CERS4: variants seen among roughly 807,000 people sequenced by gnomAD.
The protein encoded by CERS4 is LAG1 homolog, ceramide synthase 4.
In CERS4, 65 loss-of-function variants were observed where a neutral mutation model predicts 51.8. The observed-to-expected ratio is 1.26, with a 90% CI of 1.03 to 1.54. CERS4 has a LOEUF of 1.54. CERS4 is among the 40% of genes most tolerant of loss of function. The pLI, the probability that CERS4 is intolerant of heterozygous loss-of-function variation, is 0.00. For missense variants in CERS4, 563 were observed against 500.4 expected (o/e 1.13, Z -1.19); for synonymous variants, 228 against 208.4 (o/e 1.09, Z -0.81).
intron 10 of CERS4, among the ~76,000 whole-genome samples, chr19:8,258,611 G>A (rs866705950): frequency 4.6e-5 from 7 of 152,132 alleles, no homozygotes; most frequent in Admixed American, 3.3e-4. Context: ...TTGTGAGGCT[G>A]AGGCAGGAAG....
chr19:8,258,001 C>A lies in CERS4; in HGVS notation c.848+16C>A. ...TTCCCACCCAGTGAGTCAGCCCTCC[C>A]ATGGGGGTCAGGGAGGTGGGAGGGC... is the stretch of plus-strand genomic sequence containing the variant. On this transcript the variant is annotated intron_variant, in intron 10 of 11. Transcript: ENST00000251363. 6.3e-7 allele frequency: 1 copy of A among 1,594,028 alleles called. No individual in the cohort carries two copies. The highest frequency in any genetic ancestry group is 8.6e-7 in the Non-Finnish European group (1 of 1,162,202).
chr19:8,224,797 G>C (rs1383128486), intron 2 of CERS4, among the ~76,000 whole-genome samples: 1 of 152,148 alleles, frequency 6.6e-6, no homozygotes, highest in Non-Finnish European at 1.5e-5. Flanking sequence ...CGGGAAAGAC[G>C]GACGTAATCG....
In CERS4 at chr19:8,221,889, T is replaced by TTG. The variant is rs1568501290; in HGVS notation, c.-2+11028_-2+11029insGT. ...TTTTTTATGTTTTTTTTTTTTTTTT[T>TTG]TTTTTTTTTTGAGACAGAGGCTTGC... On this transcript the variant is annotated intron_variant, in intron 2 of 11. Transcript: ENST00000251363. 7.7e-5 allele frequency among the ~76,000 whole-genome samples: 9 copies of TTG among 117,646 alleles called. No individual in the cohort carries two copies. The East Asian group carries it at 1.9e-3, about 24-fold the overall frequency. 77.2% of individuals were successfully genotyped at this position (117,646 alleles called of 152,430 possible).
intron 2 of CERS4, among the ~76,000 whole-genome samples, chr19:8,225,967 G>A (rs897827363): frequency 6.6e-6 from 1 of 151,900 alleles, no homozygotes; most frequent in African/African-American, 2.4e-5. Context: ...AGGCCAAGGC[G>A]GGCGGATCAT....
chr19:8,214,118 C>A (rs939635549), intron 2 of CERS4, among the ~76,000 whole-genome samples: 1 of 152,092 alleles, frequency 6.6e-6, no homozygotes, highest in African/African-American at 2.4e-5. Flanking sequence ...CTCCCTACCC[C>A]CTCCTGGACT....
chr19:8,238,412 A>G, intron 2 of CERS4: 1 of 639,480 alleles, frequency 1.6e-6, no homozygotes, highest in South Asian at 7.0e-5. Flanking sequence ...CCCAGGGAAG[A>G]GGGCGGAGGC....
intron 4 of CERS4, 78 bp downstream of exon 4, chr19:8,254,694 T>C: frequency 5.2e-6 from 7 of 1,352,532 alleles, no homozygotes; most frequent in Non-Finnish European, 7.2e-6. Context: ...GCCCATTTGT[T>C]GGGGCAGGAG....
chr19:8,259,894 A>G (rs1969589053), intron 10 of CERS4, among the ~76,000 whole-genome samples: 2 of 152,084 alleles, frequency 1.3e-5, no homozygotes, highest in African/African-American at 4.8e-5. Context: ...GCAGGTCGAG[A>G]GAGGAAGAAC....
At position 8,261,957 on chromosome 19, in the gene CERS4, G is replaced by C; in HGVS notation, c.1033G>C (p.Glu345Gln). ...QMEKDIRSDV[E>Q]ESDSSEEAAA... ...GGAGAAGGACATTCGTAGTGATGTA[G>C]AAGAATCAGACTCCAGTGAGGAGGC... The change falls in exon 12 of 12, where the codon GAA (glutamate) becomes CAA (glutamine). Residue 345 changes from glutamate (E) to glutamine (Q), a missense_variant. Coordinates refer to ENST00000251363, the MANE Select transcript of CERS4 (RefSeq NM_024552.3). 1.2e-6 allele frequency: 2 copies of C among 1,606,446 alleles called. No individual in the cohort carries two copies. Among genetic ancestry groups the C allele is most frequent in the East Asian group, 2.2e-5 (1 of 44,784 alleles).
chr19:8,217,510 A>G lies in CERS4; in HGVS notation c.-2+6648A>G, dbSNP rs368788422. On this transcript the variant is annotated intron_variant, in intron 2 of 11. Coordinates refer to ENST00000251363, the MANE Select transcript of CERS4 (RefSeq NM_024552.3). Reference sequence around the variant, plus strand: ...CAGCTTCCTGAGTAGCTGGGATTACAGGTGTCCACTACCACACCTGGCTAA... The same window carrying G: ...CAGCTTCCTGAGTAGCTGGGATTACGGGTGTCCACTACCACACCTGGCTAA... 2.3e-4 allele frequency among the ~76,000 whole-genome samples: 35 copies of G among 150,308 alleles called. No individual in the cohort carries two copies. In the East Asian group the frequency reaches 6.4e-3, roughly 28 times the overall value.
At chr19:8,257,208 A>T in intron 9 of CERS4, 131 bp downstream of exon 9, 1 of 958,590 alleles carries the variant, frequency 1.0e-6, no homozygotes, top group Non-Finnish European at 1.5e-6. Context: ...TTCTCGGGTG[A>T]TGAGGCCCTG....
chr19:8,246,920 C>T lies in CERS4; in HGVS notation c.-1-4156C>T, dbSNP rs181546542. 3.5e-3 allele frequency among the ~76,000 whole-genome samples: 529 copies of T among 152,202 alleles called. 1 individual carries two copies. Among genetic ancestry groups the T allele is most frequent in the Non-Finnish European group, 4.8e-3 (329 of 68,020 alleles). On this transcript the variant is annotated intron_variant, in intron 2 of 11. Transcript: ENST00000251363. ...GTGGCTCATGCCTATAATCCCAGCACTTTGGGAGGCTGAGGCGGGCAGATC... is the reference window on the plus strand; with the variant it reads ...GTGGCTCATGCCTATAATCCCAGCATTTTGGGAGGCTGAGGCGGGCAGATC...
At chr19:8,257,782 G>T (rs1202479803) in intron 9 of CERS4, 97 bp from the exon 10 acceptor site, 7 of 869,008 alleles carry the variant, frequency 8.1e-6, no homozygotes, top group Non-Finnish European at 1.3e-5. Context: ...CTGGAAACAA[G>T]GCCCCACCCC....
intron 10 of CERS4, 129 bp downstream of exon 10, chr19:8,258,114 G>C: frequency 1.3e-6 from 1 of 767,426 alleles, no homozygotes; most frequent in Non-Finnish European, 2.3e-6. Flanking sequence ...GGAGGAGGCA[G>C]GGAAGGGTGT....
intron 2 of CERS4, among the ~76,000 whole-genome samples, chr19:8,234,760 G>A (rs1968166110): frequency 6.6e-6 from 1 of 151,152 alleles, no homozygotes; most frequent in African/African-American, 2.4e-5. Flanking sequence ...CACCTTGTTA[G>A]CCAGGCTGGT....
chr19:8,254,675 T>C (rs1439300067), intron 4 of CERS4, 59 bp downstream of exon 4: 27 of 1,468,038 alleles, frequency 1.8e-5, no homozygotes, highest in Non-Finnish European at 2.4e-5. Flanking sequence ...GGCGTGGGGA[T>C]GGTGTGTGGC....
intron 2 of CERS4, among the ~76,000 whole-genome samples, chr19:8,211,335 C>G (rs1967076586): frequency 1.3e-5 from 2 of 152,140 alleles, no homozygotes; most frequent in African/African-American, 2.4e-5. Context: ...GTCCCCTTCT[C>G]TGAGCACCAC....
At chr19:8,241,769 A>G (rs1014297228) in intron 2 of CERS4, among the ~76,000 whole-genome samples, 1 of 152,180 alleles carries the variant, frequency 6.6e-6, no homozygotes, top group African/African-American at 2.4e-5. Context: ...CCGTTGTGAT[A>G]TCAGCATGGA....
intron 2 of CERS4, among the ~76,000 whole-genome samples, chr19:8,221,961 A>G (rs1277535230): frequency 7.9e-6 from 1 of 127,206 alleles, no homozygotes. Flanking sequence ...GGCTCACTGC[A>G]AGCTCCGCCT....
Sources: gnomAD v4.1 joint callset for allele counts (sites outside exome capture counted in the v4.1 genomes callset) on GRCh38, gnomAD v4.1.1 for gene constraint, MANE v1.5 for transcripts, NCBI Gene and HGNC (gene_info 2026-07-23, HGNC 2026-07-21) for gene names.